The following CACNA2D3 variants were observed in gnomAD, a reference collection of about 807,000 sequenced individuals.
The protein encoded by CACNA2D3 is calcium voltage-gated channel auxiliary subunit alpha2delta 3.
In CACNA2D3, 60 loss-of-function variants were observed where a neutral mutation model predicts 160.6. The ratio of observed to expected loss-of-function variants is 0.37; its 90% CI spans 0.30 to 0.46. The LOEUF is 0.46. Ranked by LOEUF, CACNA2D3 falls within the 20% of genes least tolerant of loss-of-function variation. The pLI is 1.00. For missense variants in CACNA2D3, 1,205 were observed against 1,365.0 expected, an observed-to-expected ratio of 0.88 and a Z score of 1.85; for synonymous variants, 558 against 492.9, an observed-to-expected ratio of 1.13 and a Z score of -1.75.
chr3:54,228,591 A>T (rs1353700158), intron 2 of CACNA2D3, among the ~76,000 whole-genome samples: 1 of 152,216 alleles, frequency 6.6e-6, no homozygotes, highest in African/African-American at 2.4e-5. Flanking sequence ...TATTTCACAC[A>T]TGAAATTCAG....
At chr3:55,027,677 A>C (rs532376782) in intron 35 of CACNA2D3, among the ~76,000 whole-genome samples, 1 of 152,298 alleles carries the variant, frequency 6.6e-6, no homozygotes, top group Non-Finnish European at 1.5e-5. Context: ...AAATAACACA[A>C]TTCTGCAGCG....
In CACNA2D3 at chr3:54,376,918, G is replaced by A. The variant is rs546218536; in HGVS notation, c.322-9797G>A. Among the ~76,000 whole-genome samples the A allele has an allele frequency of 2.0e-5, 3 of 152,322 alleles. No homozygotes were observed. The East Asian group carries it at 5.8e-4, about 29-fold the overall frequency. ...GAAGGAAAGAACAACAAGGGAATTGGAACAGATTTTTCTCTGCATCAAATT... is the reference window on the plus strand; with the variant it reads ...GAAGGAAAGAACAACAAGGGAATTGAAACAGATTTTTCTCTGCATCAAATT... On this transcript the variant is annotated intron_variant, in intron 3 of 37. Coordinates refer to ENST00000474759, the MANE Select transcript of CACNA2D3 (RefSeq NM_018398.3).
intron 17 of CACNA2D3, among the ~76,000 whole-genome samples, chr3:54,846,861 A>C (rs887684394): frequency 6.6e-6 from 1 of 152,218 alleles, no homozygotes; most frequent in Non-Finnish European, 1.5e-5. Context: ...GACACGATAA[A>C]TTAGACCCAA....
intron 4 of CACNA2D3, among the ~76,000 whole-genome samples, chr3:54,471,314 C>T (rs563033612): frequency 4.6e-5 from 7 of 152,222 alleles, no homozygotes; most frequent in East Asian, 1.9e-4. Flanking sequence ...GGGTAAATAA[C>T]GAAATCAAGG....
rs969630652 is a variant in CACNA2D3 at position 55,004,909 on chromosome 3, C to T, written c.2766+71C>T. On this transcript the variant is annotated intron_variant, in intron 32 of 37. Transcript: ENST00000474759. ...TTTCTCCCTGTCTGAGTGTTATCTT[C>T]CTCTTTGGAGTAATCAAGTTTATCT... 1.1e-5 allele frequency: 12 copies of T among 1,065,204 alleles called. No individual in the cohort carries two copies. The African/African-American group carries it at 1.3e-4, about 11-fold the overall frequency. 66.0% of individuals were successfully genotyped at this position (1,065,204 alleles called of 1,614,324 possible).
chr3:54,146,418 C>G (rs143848276), intron 2 of CACNA2D3, among the ~76,000 whole-genome samples: 1 of 152,362 alleles, frequency 6.6e-6, no homozygotes, highest in East Asian at 1.9e-4. Flanking sequence ...ATGCTGCTCT[C>G]TTTCCCACTG....
intron 2 of CACNA2D3, among the ~76,000 whole-genome samples, chr3:54,257,760 G>A (rs1440889046): frequency 1.3e-5 from 2 of 152,186 alleles, no homozygotes. Flanking sequence ...TTCTTCCATG[G>A]TTGCAATAGG....
intron 27 of CACNA2D3, among the ~76,000 whole-genome samples, chr3:54,951,467 G>T (rs191024662): frequency 6.6e-6 from 1 of 152,330 alleles, no homozygotes; most frequent in East Asian, 1.9e-4. Flanking sequence ...GCGGCCCGGG[G>T]GCAGTGGGGT....
rs185972737 is a variant in CACNA2D3, at chr3:54,806,713, C to G, written c.1381-10140C>G. On this transcript the variant is annotated intron_variant, in intron 13 of 37. Transcript: ENST00000474759. Reference sequence around the variant, plus strand: ...AATTGGAAAAAACTACTTTAAAGTTCATATGGAACCAAAAAAGAGCCCGCA... The same window carrying G: ...AATTGGAAAAAACTACTTTAAAGTTGATATGGAACCAAAAAAGAGCCCGCA... Among the ~76,000 whole-genome samples the G allele has an allele frequency of 4.3e-3, 659 of 152,160 alleles. 1 individual carries two copies. Among genetic ancestry groups the G allele is most frequent in the Non-Finnish European group, 6.0e-3 (406 of 68,016 alleles).
chr3:54,523,546 C>G (rs537512449), intron 5 of CACNA2D3, among the ~76,000 whole-genome samples: 1 of 152,154 alleles, frequency 6.6e-6, no homozygotes, highest in East Asian at 1.9e-4. Flanking sequence ...GCTCATAGAA[C>G]GTATTGGGAA....
chr3:54,372,934 T>C (rs1698951020), intron 3 of CACNA2D3, among the ~76,000 whole-genome samples: 1 of 152,198 alleles, frequency 6.6e-6, no homozygotes, highest in African/African-American at 2.4e-5. Flanking sequence ...ATAACAAAAG[T>C]GAATTTCAGG....
chr3:54,581,702 T>C (rs1702680748), intron 8 of CACNA2D3, 101 bp from the exon 9 acceptor site: 3 of 867,538 alleles, frequency 3.5e-6, no homozygotes, highest in East Asian at 2.6e-5. Flanking sequence ...GAGCCTGTGA[T>C]TGTGCCGCTT....
chr3:54,974,648 A>T (rs1702344888), intron 29 of CACNA2D3, among the ~76,000 whole-genome samples: 1 of 152,248 alleles, frequency 6.6e-6, no homozygotes, highest in Non-Finnish European at 1.5e-5. Context: ...CCATCCGAAT[A>T]GTTGCAGGAA....
chr3:54,240,931 G>A (rs895901484), intron 2 of CACNA2D3, among the ~76,000 whole-genome samples: 3 of 151,988 alleles, frequency 2.0e-5, no homozygotes, highest in African/African-American at 2.4e-5. Context: ...GAGTAGAGAC[G>A]GGTTTCACCA....
intron 3 of CACNA2D3, among the ~76,000 whole-genome samples, chr3:54,322,309 CTT>C (rs10531049): frequency 0.096 from 14,580 of 152,276 alleles, 755 homozygotes; most frequent in Middle Eastern, 0.16. Flanking sequence ...CTGTGAATCT[CTT>C]TTTTTCCTCA....
At chr3:54,355,365 T>G (rs751775115) in intron 3 of CACNA2D3, among the ~76,000 whole-genome samples, 5 of 152,216 alleles carry the variant, frequency 3.3e-5, no homozygotes, top group African/African-American at 7.2e-5. Flanking sequence ...GTATAGAGAC[T>G]AGTCTGCAGG....
Position 54,294,462 on chromosome 3 carries a change from A to T in CACNA2D3, c.205-25980A>T, listed in dbSNP as rs147134059. Reference sequence around the variant, plus strand: ...TGTCCTCTCCTTTGAGTGGTTGCTCATTCTTCCCTTTCACTTGCTGCTGGA... The same window carrying T: ...TGTCCTCTCCTTTGAGTGGTTGCTCTTTCTTCCCTTTCACTTGCTGCTGGA... On this transcript the variant is annotated intron_variant, in intron 2 of 37. Transcript: ENST00000474759. Among the ~76,000 whole-genome samples the T allele has an allele frequency of 6.6e-5, 10 of 152,178 alleles. No individual in the cohort carries two copies. In the East Asian group the frequency reaches 1.9e-3, roughly 30 times the overall value.
chr3:54,942,848 C>T (rs926884561), intron 27 of CACNA2D3, among the ~76,000 whole-genome samples: 1 of 152,040 alleles, frequency 6.6e-6, no homozygotes, highest in Non-Finnish European at 1.5e-5. Flanking sequence ...CACAGTGAAA[C>T]CCCATCTCTA....
intron 2 of CACNA2D3, among the ~76,000 whole-genome samples, chr3:54,264,800 T>C (rs1702470201): frequency 6.6e-6 from 1 of 152,230 alleles, no homozygotes; most frequent in Non-Finnish European, 1.5e-5. Context: ...CAAGTTTTCT[T>C]TCATTGCCAC....
Sources: gnomAD v4.1 joint callset for allele counts (sites outside exome capture counted in the v4.1 genomes callset) on GRCh38, gnomAD v4.1.1 for gene constraint, MANE v1.5 for transcripts, NCBI Gene and HGNC (gene_info 2026-07-23, HGNC 2026-07-21) for gene names.